Variants in HOOK3 observed in about 807,000 individuals in gnomAD.
HOOK3 encodes hook microtubule tethering protein 3.
Under a neutral mutation model 116.3 loss-of-function variants are expected in HOOK3, and 24 were observed. The observed-to-expected ratio is 0.21, with a 90% confidence interval of 0.15 to 0.29. The LOEUF is 0.29. Among genes scored for constraint, HOOK3 ranks in the 10% least tolerant of loss-of-function variants. The pLI is 1.00. For missense variants in HOOK3, 632 were observed against 830.2 expected, an observed-to-expected ratio of 0.76 and a Z score of 2.93; for synonymous variants, 275 against 283.0, an observed-to-expected ratio of 0.97 and a Z score of 0.28.
chr8:42,960,851 G>A (rs904325674), intron 8 of HOOK3, among the ~76,000 whole-genome samples: 2 of 152,172 alleles, frequency 1.3e-5, no homozygotes, highest in Non-Finnish European at 2.9e-5. Context: ...TTAACCCTCT[G>A]TGTACTAGGC....
At chr8:42,915,557 A>G (rs557556249) in intron 2 of HOOK3, among the ~76,000 whole-genome samples, 3 of 152,062 alleles carry the variant, frequency 2.0e-5, no homozygotes, top group Non-Finnish European at 4.4e-5. Flanking sequence ...CCAGCCTCCC[A>G]GTTAGCTGGG....
Position 42,923,109 on chromosome 8 carries a change from T to G in HOOK3, c.144-2448T>G, listed in dbSNP as rs1346162646. On this transcript the variant is annotated intron_variant, in intron 2 of 21. Coordinates refer to ENST00000307602, the MANE Select transcript of HOOK3 (RefSeq NM_032410.4). Reference sequence around the variant, plus strand: ...AATGGCCAATAAGCACATGTGAAGATGCTCAGCATCATTAGCCATTAGGGA... The same window carrying G: ...AATGGCCAATAAGCACATGTGAAGAGGCTCAGCATCATTAGCCATTAGGGA... 2.0e-5 allele frequency among the ~76,000 whole-genome samples: 3 copies of G among 152,228 alleles called. No individual in the cohort carries two copies. In the East Asian group the frequency reaches 5.8e-4, roughly 29 times the overall value.
At chr8:42,923,012 C>T (rs1433761521) in intron 2 of HOOK3, among the ~76,000 whole-genome samples, 5 of 152,072 alleles carry the variant, frequency 3.3e-5, no homozygotes, top group Non-Finnish European at 5.9e-5. Context: ...TCTTACAATT[C>T]AATAAAAAAG....
chr8:42,985,185 A>C (rs1809027095), intron 14 of HOOK3, among the ~76,000 whole-genome samples: 1 of 152,182 alleles, frequency 6.6e-6, no homozygotes, highest in South Asian at 2.1e-4. Flanking sequence ...GTTGTCTAAA[A>C]ATGCACCTAT....
At chr8:42,915,570 T>TA (rs1308579153) in intron 2 of HOOK3, among the ~76,000 whole-genome samples, 1 of 152,134 alleles carries the variant, frequency 6.6e-6, no homozygotes, top group African/African-American at 2.4e-5. Flanking sequence ...TAGCTGGGAT[T>TA]ACAGGTGCCC....
intron 2 of HOOK3, among the ~76,000 whole-genome samples, chr8:42,918,685 C>G (rs1807581240): frequency 1.3e-5 from 2 of 152,180 alleles, no homozygotes; most frequent in South Asian, 4.1e-4. Flanking sequence ...TTGCACCGCC[C>G]TTGATCCATT....
chr8:43,004,366 CAAAA>C (rs1385118465), intron 17 of HOOK3, among the ~76,000 whole-genome samples: 1 of 83,744 alleles, frequency 1.2e-5, no homozygotes, highest in African/African-American at 4.4e-5. Flanking sequence ...GACTCTGTCT[CAAAA>C]AAAAAAAAAA....
At chr8:42,941,793 G>A (rs1020526918) in intron 4 of HOOK3, among the ~76,000 whole-genome samples, 1 of 152,068 alleles carries the variant, frequency 6.6e-6, no homozygotes, top group Non-Finnish European at 1.5e-5. Context: ...CAAGTGTGGG[G>A]AAGGACCCTA....
chr8:42,981,807 C>A (rs1316444543), intron 13 of HOOK3, among the ~76,000 whole-genome samples: 1 of 150,306 alleles, frequency 6.7e-6, no homozygotes, highest in Non-Finnish European at 1.5e-5. Context: ...TTGCTTGAAC[C>A]CAGGAGACAG....
intron 4 of HOOK3, among the ~76,000 whole-genome samples, chr8:42,942,596 T>C (rs1169185028): frequency 6.6e-6 from 1 of 152,268 alleles, no homozygotes; most frequent in Admixed American, 6.5e-5. Flanking sequence ...TTATTTTCTT[T>C]CATTTGCTTC....
chr8:43,024,987 CACATGTATTATCTATATG>C lies in HOOK3; in HGVS notation c.*6492_*6509del, dbSNP rs1809905417. 4.9e-6 allele frequency: 1 copy of C among 203,362 alleles called. No homozygotes were observed. Among genetic ancestry groups the C allele is most frequent in the Non-Finnish European group, 1.0e-5 (1 of 99,140 alleles). 12.6% of individuals were successfully genotyped at this position (203,362 alleles called of 1,614,324 possible). On this transcript the variant is annotated 3_prime_UTR_variant, in exon 22 of 22. Coordinates refer to ENST00000307602, the MANE Select transcript of HOOK3 (RefSeq NM_032410.4). ...TAAATAGCCTTTTATCAAACCATTT[CACATGTATTATCTATATG>C]ACTATAGAAACTTATAAAACATTTA...
chr8:43,010,570 C>T (rs965497279), intron 19 of HOOK3, among the ~76,000 whole-genome samples, 165 bp downstream of exon 19: 2 of 152,132 alleles, frequency 1.3e-5, no homozygotes, highest in Non-Finnish European at 1.5e-5. Context: ...AAGCAGTGCT[C>T]AAAATAGGTC....
At position 42,964,489 on chromosome 8, in the gene HOOK3, A is replaced by G. The variant is rs750882913; in HGVS notation, c.779+15A>G. 1 of 1,603,116 alleles carries G rather than the reference A, an allele frequency of 6.2e-7. No homozygotes were observed. Among genetic ancestry groups the G allele is most frequent in the African/African-American group, 1.4e-5 (1 of 74,024 alleles). ...GAAACATTCAGGTAAAAGACAACTC[A>G]TTAAAATCTGATTTTTAAAAATTTG... On this transcript the variant is annotated intron_variant, in intron 9 of 21. Coordinates refer to ENST00000307602, the MANE Select transcript of HOOK3 (RefSeq NM_032410.4).
chr8:42,958,122 G>A (rs1029398399), intron 7 of HOOK3, among the ~76,000 whole-genome samples: 10 of 152,094 alleles, frequency 6.6e-5, no homozygotes, highest in African/African-American at 1.9e-4. Flanking sequence ...GTGAGCCACC[G>A]CGCCCCGCCT....
At chr8:43,015,525 A>AAAAC (rs1212503751) in intron 21 of HOOK3, among the ~76,000 whole-genome samples, 5 of 152,330 alleles carry the variant, frequency 3.3e-5, no homozygotes, top group African/African-American at 9.6e-5. Context: ...TCCGTCTCAG[A>AAAAC]AAACAAACAA....
chr8:42,988,972 C>T (rs1468992100), intron 15 of HOOK3, among the ~76,000 whole-genome samples: 1 of 152,088 alleles, frequency 6.6e-6, no homozygotes, highest in Non-Finnish European at 1.5e-5. Context: ...AACATTGGGT[C>T]CCACTGAGTC....
chr8:43,012,986 T>G, intron 19 of HOOK3, 65 bp from the exon 20 acceptor site: 1 of 956,668 alleles, frequency 1.0e-6, no homozygotes, highest in South Asian at 1.6e-5. Context: ...TAGTCATTCT[T>G]TTCTTAAACG....
Position 43,018,556 on chromosome 8 carries a change from C to T in HOOK3, c.*58C>T. On this transcript the variant is annotated 3_prime_UTR_variant, in exon 22 of 22. Coordinates refer to ENST00000307602, the MANE Select transcript of HOOK3 (RefSeq NM_032410.4). ...ACCCACAACATACTTCTGTTACACA[C>T]AAGAACATTTCAGGAAACTCAGCCA... is the stretch of plus-strand genomic sequence containing the variant. The T allele has an allele frequency of 1.4e-6, 2 of 1,446,400 alleles. No individual in the cohort carries two copies. The highest frequency in any genetic ancestry group is 1.8e-6 in the Non-Finnish European group (2 of 1,089,766). The allele number at this position is 1,446,400 out of a possible 1,614,324, so 89.6% of individuals were successfully genotyped here. A position where few individuals can be genotyped will look rare whatever the true frequency, so the allele number is the denominator to read the frequency against.
At chr8:42,968,304 G>T (rs2130426339) in intron 11 of HOOK3, 90 bp downstream of exon 11, 1 of 897,734 alleles carries the variant, frequency 1.1e-6, no homozygotes, top group East Asian at 2.6e-5. Context: ...TGTTTTCATG[G>T]TATTCTGTTT....
Sources: allele counts gnomAD v4.1 joint callset (sites outside exome capture counted in the v4.1 genomes callset), GRCh38; gene constraint gnomAD v4.1.1; transcripts MANE v1.5; gene names NCBI Gene and HGNC (gene_info 2026-07-23, HGNC 2026-07-21).